AK4: variants seen among roughly 807,000 people sequenced by gnomAD.
AK4 encodes adenylate kinase 4, mitochondrial.
Under a neutral mutation model 24.6 loss-of-function variants are expected in AK4, and 13 were observed. The ratio of observed to expected loss-of-function variants is 0.53; its 90% CI spans 0.34 to 0.84. The LOEUF (loss-of-function observed/expected upper bound fraction) is 0.84, where lower values mean the gene tolerates loss of function less well. Ranked by LOEUF, AK4 falls within the 40% of genes least tolerant of loss-of-function variation. AK4 has a pLI of 0.01. For synonymous variants in AK4, 88 were observed against 107.0 expected, an observed-to-expected ratio of 0.82 and a Z score of 1.10; for missense variants, 192 against 288.2, an observed-to-expected ratio of 0.67 and a Z score of 2.42.
intron 1 of AK4, among the ~76,000 whole-genome samples, chr1:65,172,762 G>A (rs1307694892): frequency 6.6e-6 from 1 of 151,118 alleles, no homozygotes; most frequent in Non-Finnish European, 1.5e-5. Flanking sequence ...TTAATTAGTA[G>A]AATAAGACTT....
At chr1:65,173,873 A>C (rs905976269) in intron 1 of AK4, among the ~76,000 whole-genome samples, 4 of 151,798 alleles carry the variant, frequency 2.6e-5, no homozygotes, top group Non-Finnish European at 2.9e-5. Flanking sequence ...AAAAAAAAAA[A>C]AATAGACTAC....
intron 2 of AK4, among the ~76,000 whole-genome samples, chr1:65,204,583 A>G (rs1029775181): frequency 6.6e-6 from 1 of 152,234 alleles, no homozygotes; most frequent in African/African-American, 2.4e-5. Context: ...ATCTTTGTTC[A>G]TCACCAAGGA....
Position 65,159,377 on chromosome 1 carries a change from G to A in AK4, c.145+10825G>A, listed in dbSNP as rs1002525110. Among the ~76,000 whole-genome samples the A allele has an allele frequency of 3.5e-4, 54 of 152,232 alleles. 1 individual carries two copies. The highest frequency in any genetic ancestry group is 1.7e-4 in the African/African-American group (7 of 41,460). Reference sequence around the variant, plus strand: ...TCAGAAAGGTTGAGTAACTAACTTGGTCAGGTACAGTGGCTCACGCCTGTA... The same window carrying A: ...TCAGAAAGGTTGAGTAACTAACTTGATCAGGTACAGTGGCTCACGCCTGTA... On this transcript the variant is annotated intron_variant, in intron 1 of 4. Transcript: ENST00000327299.
chr1:65,184,634 G>A (rs987860256), intron 1 of AK4, among the ~76,000 whole-genome samples: 1 of 152,210 alleles, frequency 6.6e-6, no homozygotes, highest in African/African-American at 2.4e-5. Context: ...TCAGAAATTA[G>A]AGCAGGTAAG....
In AK4 at chr1:65,190,693, T is replaced by G; in HGVS notation, c.146-17T>G. On this transcript the variant is annotated splice_polypyrimidine_tract_variant and intron_variant, in intron 1 of 4. Transcript: ENST00000327299. ...AAATTTTCTTGAATACCTCTTTTTT[T>G]CTTGTCTTTTTAATAGAAGTTGGTG... 6.2e-7 allele frequency: 1 copy of G among 1,604,314 alleles called. No homozygotes were observed. The highest frequency in any genetic ancestry group is 8.5e-7 in the Non-Finnish European group (1 of 1,177,356).
chr1:65,218,612 C>A, intron 2 of AK4, 142 bp from the exon 3 acceptor site: 1 of 659,420 alleles, frequency 1.5e-6, no homozygotes, highest in Non-Finnish European at 2.3e-6. Context: ...GTTTGGGATG[C>A]AAATGATCCC....
chr1:65,164,938 A>G (rs770208235), intron 1 of AK4, among the ~76,000 whole-genome samples: 10 of 152,216 alleles, frequency 6.6e-5, no homozygotes, highest in Non-Finnish European at 1.0e-4. Context: ...TAGGGAGAAC[A>G]GTTAAGAGGC....
intron 1 of AK4, among the ~76,000 whole-genome samples, chr1:65,162,248 CAAG>C (rs1650192166): frequency 1.3e-5 from 2 of 151,352 alleles, no homozygotes; most frequent in Admixed American, 6.6e-5. Flanking sequence ...GTGTCTTAAA[CAAG>C]AAGATTTGAG....
At chr1:65,165,480 C>A (rs1279479464) in intron 1 of AK4, among the ~76,000 whole-genome samples, 1 of 150,704 alleles carries the variant, frequency 6.6e-6, no homozygotes, top group Non-Finnish European at 1.5e-5. Flanking sequence ...CTCAGGAGTT[C>A]AAGGCTGTAG....
chr1:65,218,497 G>A (rs1241663021), intron 2 of AK4, among the ~76,000 whole-genome samples: 1 of 152,146 alleles, frequency 6.6e-6, no homozygotes, highest in Non-Finnish European at 1.5e-5. Flanking sequence ...ATTTATGGAG[G>A]TAGATATTCT....
chr1:65,177,996 G>C (rs1283489574), intron 1 of AK4, among the ~76,000 whole-genome samples: 2 of 133,664 alleles, frequency 1.5e-5, no homozygotes, highest in African/African-American at 2.5e-5. Context: ...GGTTTTCTGA[G>C]TCTTAATTGC....
At chr1:65,153,471 G>A (rs765055336) in intron 1 of AK4, among the ~76,000 whole-genome samples, 4 of 151,966 alleles carry the variant, frequency 2.6e-5, no homozygotes, top group Admixed American at 6.6e-5. Context: ...GGGTTTCTAC[G>A]TGTTGCCCAG....
rs373010594 is a variant in AK4 at position 65,223,083 on chromosome 1, TTAAA to T, written c.439-1666_439-1663del. ...TAATAATTTCTATTTTAATACACCT[TTAAA>T]TATGTCATTTTTTAAATATTCTAAT... On this transcript the variant is annotated intron_variant, in intron 3 of 4. Coordinates refer to ENST00000327299, the MANE Select transcript of AK4 (RefSeq NM_013410.4). Among the ~76,000 whole-genome samples the T allele has an allele frequency of 3.5e-3, 531 of 152,174 alleles. 2 individuals carry two copies. The highest frequency in any genetic ancestry group is 0.012 in the African/African-American group (505 of 41,578).
chr1:65,201,301 C>T (rs1418555640), intron 2 of AK4, among the ~76,000 whole-genome samples: 4 of 152,114 alleles, frequency 2.6e-5, no homozygotes, highest in Admixed American at 6.5e-5. Context: ...TTCTGTCCTG[C>T]GTTCGTGTCC....
At chr1:65,175,455 C>T (rs973379310) in intron 1 of AK4, among the ~76,000 whole-genome samples, 1 of 152,240 alleles carries the variant, frequency 6.6e-6, no homozygotes, top group Non-Finnish European at 1.5e-5. Flanking sequence ...TGCTGAGCTG[C>T]AGCCAAGATC....
At chr1:65,218,620 C>A in intron 2 of AK4, 134 bp from the exon 3 acceptor site, 1 of 738,496 alleles carries the variant, frequency 1.4e-6, no homozygotes, top group East Asian at 3.4e-5. Flanking sequence ...TGCAAATGAT[C>A]CCATCACCCA....
chr1:65,163,701 AAG>A (rs1650243055), intron 1 of AK4, among the ~76,000 whole-genome samples: 1 of 152,268 alleles, frequency 6.6e-6, no homozygotes, highest in Non-Finnish European at 1.5e-5. Flanking sequence ...GCAATGGAGA[AAG>A]AGTAATCCAC....
chr1:65,174,316 T>A (rs1650637711), intron 1 of AK4, among the ~76,000 whole-genome samples: 1 of 152,114 alleles, frequency 6.6e-6, no homozygotes, highest in African/African-American at 2.4e-5. Flanking sequence ...AGATGAAGTT[T>A]ATTTTCCCCC....
At position 65,230,521 on chromosome 1, in the gene AK4, C is replaced by T. The variant is rs1249779237; in HGVS notation, c.*4344C>T. The T allele has an allele frequency of 2.0e-5, 3 of 152,144 alleles. No homozygotes were observed. The highest frequency in any genetic ancestry group is 7.2e-5 in the African/African-American group (3 of 41,414). 9.4% of individuals were successfully genotyped at this position (152,144 alleles called of 1,614,324 possible). On this transcript the variant is annotated 3_prime_UTR_variant, in exon 5 of 5. Coordinates refer to ENST00000327299, the MANE Select transcript of AK4 (RefSeq NM_013410.4). ...TACTGTCTGTTTACTTCATGTTAGG[C>T]ACATTACATGCATTGGCTAATCAAA... is the stretch of plus-strand genomic sequence containing the variant.
Sources: gnomAD v4.1 joint callset for allele counts (sites outside exome capture counted in the v4.1 genomes callset) on GRCh38, gnomAD v4.1.1 for gene constraint, MANE v1.5 for transcripts, NCBI Gene and HGNC (gene_info 2026-07-23, HGNC 2026-07-21) for gene names.